Variants in CBFA2T2 observed in about 807,000 individuals in gnomAD.
CBFA2T2 encodes CBFA2/RUNX1 partner transcriptional co-repressor 2.
Under a neutral mutation model 62.2 loss-of-function variants are expected in CBFA2T2, and 11 were observed. The observed-to-expected ratio is 0.18, with a 90% CI of 0.11 to 0.29. The LOEUF (loss-of-function observed/expected upper bound fraction) is 0.29. Ranked by LOEUF, CBFA2T2 falls within the 10% of genes least tolerant of loss-of-function variation. The probability of loss-of-function intolerance (pLI) is 1.00; values close to 1 mark genes in which losing one functional copy is unlikely to be tolerated. For missense variants in CBFA2T2, 592 were observed against 774.1 expected (o/e 0.76, Z 2.79); for synonymous variants, 295 against 287.5 (o/e 1.03, Z -0.27).
At chr20:33,568,695 C>A (rs2013436903) in intron 1 of CBFA2T2, among the ~76,000 whole-genome samples, 1 of 152,150 alleles carries the variant, frequency 6.6e-6, no homozygotes, top group Non-Finnish European at 1.5e-5. Context: ...ATTAAAAACC[C>A]ATCTGAAACC....
chr20:33,599,783 G>C (rs539114363), intron 1 of CBFA2T2, among the ~76,000 whole-genome samples: 2 of 151,978 alleles, frequency 1.3e-5, no homozygotes, highest in Non-Finnish European at 2.9e-5. Flanking sequence ...TAGTAGAAAC[G>C]GGGTTTCACC....
At chr20:33,631,954 T>C (rs2016469670) in intron 8 of CBFA2T2, among the ~76,000 whole-genome samples, 1 of 152,226 alleles carries the variant, frequency 6.6e-6, no homozygotes, top group Non-Finnish European at 1.5e-5. Flanking sequence ...CTCCAAAAAG[T>C]GCCACTGGTC....
At chr20:33,515,051 T>A (rs1435667575) in intron 1 of CBFA2T2, among the ~76,000 whole-genome samples, 1 of 151,462 alleles carries the variant, frequency 6.6e-6, no homozygotes, top group Non-Finnish European at 1.5e-5. Context: ...GGAATGTGAA[T>A]TAAGAAGTTA....
In CBFA2T2 at chr20:33,622,919, G is replaced by GGCAAGAGA. The variant is rs547551381; in HGVS notation, c.511-195_511-188dup. 6.3e-3 allele frequency among the ~76,000 whole-genome samples: 965 copies of GGCAAGAGA among 152,258 alleles called. 5 individuals are homozygous for GGCAAGAGA. Among genetic ancestry groups the GGCAAGAGA allele is most frequent in the Non-Finnish European group, 9.7e-3 (658 of 68,030 alleles). On this transcript the variant is annotated intron_variant, in intron 4 of 10. Transcript: ENST00000342704. ...CTTAAGCATATTTACATCTGGTTGG[G>GGCAAGAGA]GCAAGAGACAATTGAACCAGTAATT...
At chr20:33,583,726 G>A (rs1391904306) in intron 1 of CBFA2T2, among the ~76,000 whole-genome samples, 1 of 152,000 alleles carries the variant, frequency 6.6e-6, no homozygotes, top group Non-Finnish European at 1.5e-5. Context: ...CTGTCTACAG[G>A]GTGTGCTGTT....
chr20:33,594,199 G>C (rs1341765412), intron 1 of CBFA2T2, among the ~76,000 whole-genome samples: 2 of 152,146 alleles, frequency 1.3e-5, no homozygotes, highest in Non-Finnish European at 1.5e-5. Context: ...GAGCTGGACT[G>C]TCAGAATTTA....
chr20:33,551,090 A>T (rs1393842259), intron 1 of CBFA2T2, among the ~76,000 whole-genome samples: 2 of 152,222 alleles, frequency 1.3e-5, no homozygotes, highest in Non-Finnish European at 2.9e-5. Flanking sequence ...AAGTGTTCAT[A>T]GTGAAAGAAG....
intron 4 of CBFA2T2, among the ~76,000 whole-genome samples, chr20:33,620,504 A>AAAAAT (rs993364040): frequency 1.3e-5 from 2 of 148,624 alleles, no homozygotes; most frequent in South Asian, 2.1e-4. Context: ...AGACATTCTC[A>AAAAAT]AAAATAAAAT....
In CBFA2T2 at chr20:33,611,106, T is replaced by G; in HGVS notation, c.191T>G (p.Ile64Ser). The change falls in exon 3 of 11, where the codon ATC (isoleucine) becomes AGC (serine). Residue 64 changes from isoleucine (I) to serine (S), a missense_variant. By Grantham distance (142) the Ile-to-Ser change is moderately radical. This residue lies in a region of CBFA2T2 where 449 missense variants were observed against 551.2 expected (regional missense o/e 0.81). Transcript: ENST00000342704. The stretch of plus-strand genomic sequence containing the variant: ...GGCTTTCTTTTAGTAAGCAATGGCA[T>G]CAACCATTCTCCTCCTACCCTGAAT... ...SFTPTALSNG[I>S]NHSPPTLNGA... The G allele has an allele frequency of 6.2e-7, 1 of 1,614,192 alleles. No homozygotes were observed. The highest frequency in any genetic ancestry group is 1.3e-5 in the African/African-American group (1 of 75,066).
rs1198481801 is a variant in CBFA2T2, at chr20:33,545,000, T to TAGAACAGAACAGAACAGAAC, written c.34+54703_34+54704insCAGAACAGAACAGAACAGAA. 1.7e-3 allele frequency among the ~76,000 whole-genome samples: 215 copies of TAGAACAGAACAGAACAGAAC among 125,768 alleles called. 1 individual carries two copies. Among genetic ancestry groups the TAGAACAGAACAGAACAGAAC allele is most frequent in the South Asian group, 0.012 (45 of 3,674 alleles). 82.5% of individuals were successfully genotyped at this position (125,768 alleles called of 152,430 possible). A position where few individuals can be genotyped will look rare whatever the true frequency, so the allele number is the denominator to read the frequency against. ...TAGAATAGAATAGAATAGAATAGAA[T>TAGAACAGAACAGAACAGAAC]AGAATAGAATAGAACAGAACAGAAT... is the stretch of plus-strand genomic sequence containing the variant. On this transcript the variant is annotated intron_variant, in intron 1 of 10. Coordinates refer to ENST00000342704, the MANE Select transcript of CBFA2T2 (RefSeq NM_001032999.3).
At chr20:33,585,412 A>G (rs536665679) in intron 1 of CBFA2T2, among the ~76,000 whole-genome samples, 6 of 152,334 alleles carry the variant, frequency 3.9e-5, no homozygotes, top group African/African-American at 1.4e-4. Flanking sequence ...ACATATATAT[A>G]GGAAGGTCCC....
intron 9 of CBFA2T2, among the ~76,000 whole-genome samples, chr20:33,638,507 T>A (rs2016709302): frequency 6.6e-6 from 1 of 152,180 alleles, no homozygotes; most frequent in Non-Finnish European, 1.5e-5. Flanking sequence ...AAGAGCATTG[T>A]TACACTGGCT....
intron 1 of CBFA2T2, among the ~76,000 whole-genome samples, chr20:33,582,220 C>G (rs929199510): frequency 6.6e-6 from 1 of 151,998 alleles, no homozygotes; most frequent in Non-Finnish European, 1.5e-5. Context: ...CAGCCGGGCG[C>G]GGTGGCTCAC....
intron 1 of CBFA2T2, among the ~76,000 whole-genome samples, chr20:33,519,380 G>C (rs1600922103): frequency 6.6e-6 from 1 of 152,222 alleles, no homozygotes; most frequent in South Asian, 2.1e-4. Flanking sequence ...TGAGGCGGGA[G>C]AATCGCTTGA....
intron 1 of CBFA2T2, among the ~76,000 whole-genome samples, chr20:33,529,743 T>TTATATATA (rs139769122): frequency 9.9e-4 from 4 of 4,036 alleles, no homozygotes; most frequent in African/African-American, 1.3e-3. Context: ...AAGAAAGCAG[T>TTATATATA]TATATATATA....
At chr20:33,586,636 A>T (rs192968760) in intron 1 of CBFA2T2, among the ~76,000 whole-genome samples, 1 of 152,316 alleles carries the variant, frequency 6.6e-6, no homozygotes, top group East Asian at 1.9e-4. Flanking sequence ...AGATTGCTTC[A>T]AAGTCAAGAG....
chr20:33,568,936 T>C (rs183459508), intron 1 of CBFA2T2, among the ~76,000 whole-genome samples: 1 of 152,322 alleles, frequency 6.6e-6, no homozygotes, highest in Admixed American at 6.5e-5. Flanking sequence ...CAAAACTAAT[T>C]ACACCCTTTT....
chr20:33,599,058 C>T (rs140120353), intron 1 of CBFA2T2, among the ~76,000 whole-genome samples: 4,312 of 152,116 alleles, frequency 0.028, 175 homozygotes, highest in African/African-American at 0.094. Context: ...CTCAGGAGTT[C>T]GAGACCAGCC....
chr20:33,532,147 C>A (rs749285147), intron 1 of CBFA2T2, among the ~76,000 whole-genome samples: 1 of 152,180 alleles, frequency 6.6e-6, no homozygotes, highest in Non-Finnish European at 1.5e-5. Context: ...TTGGCCTTAT[C>A]CCATCAAACA....
Sources: allele counts gnomAD v4.1 joint callset (sites outside exome capture counted in the v4.1 genomes callset), GRCh38; gene constraint gnomAD v4.1.1; regional missense constraint gnomAD v4.1.1; transcripts MANE v1.5; gene names NCBI Gene and HGNC (gene_info 2026-07-23, HGNC 2026-07-21).